Variants in NMNAT2 observed in about 807,000 individuals in gnomAD.
NMNAT2 encodes the protein nicotinamide nucleotide adenylyltransferase 2.
A neutral mutation model predicts 41.6 loss-of-function variants in NMNAT2; 11 were observed. The ratio of observed to expected loss-of-function variants is 0.26; its 90% CI spans 0.17 to 0.44. The LOEUF (loss-of-function observed/expected upper bound fraction) is 0.44, where lower values mean the gene tolerates loss of function less well. Among genes scored for constraint, NMNAT2 ranks in the 20% least tolerant of loss-of-function variants. NMNAT2 has a pLI of 1.00. For missense variants in NMNAT2, 288 were observed against 407.7 expected (o/e 0.71, Z 2.53); for synonymous variants, 148 against 151.2 (o/e 0.98, Z 0.16).
intron 1 of NMNAT2, among the ~76,000 whole-genome samples, chr1:183,414,186 C>G (rs1649194641): frequency 6.6e-6 from 1 of 152,160 alleles, no homozygotes; most frequent in Non-Finnish European, 1.5e-5. Flanking sequence ...CTAGCAGAAA[C>G]AGGAGTTTGA....
chr1:183,269,994 C>T (rs893112355), intron 8 of NMNAT2, among the ~76,000 whole-genome samples: 4 of 152,198 alleles, frequency 2.6e-5, no homozygotes, highest in African/African-American at 9.7e-5. Flanking sequence ...CGCCATTCTC[C>T]TGCCTCAGCC....
chr1:183,250,253 G>A lies in NMNAT2; in HGVS notation c.*2388C>T, dbSNP rs1281595555. Reference sequence around the variant, plus strand: ...GCAATAGCATCATCCTGAGCACTCTGTGGGTCTTCCTTCACCTTCCACAAA... The same window carrying A: ...GCAATAGCATCATCCTGAGCACTCTATGGGTCTTCCTTCACCTTCCACAAA... On this transcript the variant is annotated 3_prime_UTR_variant, in exon 11 of 11. Transcript: ENST00000287713. 6.6e-6 allele frequency: 1 copy of A among 152,226 alleles called. No individual in the cohort carries two copies. The highest frequency in any genetic ancestry group is 1.5e-5 in the Non-Finnish European group (1 of 68,084). The allele number at this position is 152,226 out of a possible 1,614,324, so 9.4% of individuals were successfully genotyped here.
In NMNAT2 at chr1:183,410,656, C is replaced by T. The variant is rs571140166; in HGVS notation, c.85+7527G>A. Among the ~76,000 whole-genome samples, 3 of 152,298 alleles carry T rather than the reference C, an allele frequency of 2.0e-5. No individual in the cohort carries two copies. The South Asian group carries it at 6.2e-4, about 32-fold the overall frequency. On this transcript the variant is annotated intron_variant, in intron 1 of 10. Transcript: ENST00000287713. ...GTGCTCACCTGCACTCTAGCAAGTT[C>T]CCTAGAAATTCCTTAATGCGCCATG...
At chr1:183,392,404 A>T in intron 1 of NMNAT2, among the ~76,000 whole-genome samples, 1 of 152,230 alleles carries the variant, frequency 6.6e-6, no homozygotes, top group East Asian at 1.9e-4. Context: ...CCTCTCCTAT[A>T]GATTACACGC....
intron 7 of NMNAT2, among the ~76,000 whole-genome samples, chr1:183,280,736 T>C (rs1468604354): frequency 6.6e-6 from 1 of 150,936 alleles, no homozygotes; most frequent in Non-Finnish European, 1.5e-5. Flanking sequence ...CGACTTTTTT[T>C]CTTTTTTTTT....
At chr1:183,315,989 G>T (rs542017553) in intron 1 of NMNAT2, among the ~76,000 whole-genome samples, 3 of 152,240 alleles carry the variant, frequency 2.0e-5, no homozygotes, top group South Asian at 2.1e-4. Flanking sequence ...TTTAATTTTT[G>T]ATTCTTAGAG....
chr1:183,401,929 G>T (rs1648822606), intron 1 of NMNAT2, among the ~76,000 whole-genome samples: 1 of 146,270 alleles, frequency 6.8e-6, no homozygotes, highest in African/African-American at 2.5e-5. Flanking sequence ...ATGGGGTTGG[G>T]GGAGGGGGGA....
intron 1 of NMNAT2, among the ~76,000 whole-genome samples, chr1:183,308,064 G>T (rs1662036508): frequency 6.6e-6 from 1 of 152,182 alleles, no homozygotes; most frequent in Admixed American, 6.5e-5. Context: ...ATTGAGCTCT[G>T]CTGGCATTGG....
At chr1:183,412,667 G>C (rs979129183) in intron 1 of NMNAT2, among the ~76,000 whole-genome samples, 3 of 152,130 alleles carry the variant, frequency 2.0e-5, no homozygotes, top group African/African-American at 7.2e-5. Flanking sequence ...AGAGGTTGTT[G>C]GTCTTAGTTA....
chr1:183,333,197 C>T (rs971683420), intron 1 of NMNAT2, among the ~76,000 whole-genome samples: 3 of 152,166 alleles, frequency 2.0e-5, no homozygotes, highest in African/African-American at 7.2e-5. Context: ...AGTGTGGTCA[C>T]TCCAGCACTC....
intron 1 of NMNAT2, among the ~76,000 whole-genome samples, chr1:183,397,579 C>T (rs1053145696): frequency 1.3e-5 from 2 of 151,948 alleles, no homozygotes; most frequent in East Asian, 1.9e-4. Context: ...AAAGACTCCT[C>T]GAGAAAACAA....
intron 1 of NMNAT2, among the ~76,000 whole-genome samples, chr1:183,298,687 TAGC>T (rs1661768135): frequency 6.6e-6 from 1 of 152,196 alleles, no homozygotes; most frequent in Non-Finnish European, 1.5e-5. Context: ...CCACAACAAG[TAGC>T]AGAAGATGCT....
rs1478222931 is a variant in NMNAT2, at chr1:183,314,294, G to A, written c.86-20501C>T. ...ATGCCTTCACTCATGTGTTCCTTCTGTCTCAAATGCTCTTCCCTACCTTGG... is the reference window on the plus strand; with the variant it reads ...ATGCCTTCACTCATGTGTTCCTTCTATCTCAAATGCTCTTCCCTACCTTGG... On this transcript the variant is annotated intron_variant, in intron 1 of 10. Transcript: ENST00000287713. 3.3e-5 allele frequency among the ~76,000 whole-genome samples: 5 copies of A among 152,200 alleles called. No homozygotes were observed. In the East Asian group the frequency reaches 9.6e-4, roughly 29 times the overall value.
At chr1:183,283,529 CACAG>C (rs66905726) in intron 7 of NMNAT2, 73,443 of 219,538 alleles carry the variant, frequency 0.33, 13,538 homozygotes, top group Middle Eastern at 0.43. Context: ...GCAGCCCTCA[CACAG>C]ACAGTGAAGT....
rs1003616731 is a variant in NMNAT2, at chr1:183,251,539, A to T, written c.*1102T>A. 6.6e-6 allele frequency: 1 copy of T among 152,530 alleles called. No homozygotes were observed. Among genetic ancestry groups the T allele is most frequent in the African/African-American group, 2.4e-5 (1 of 41,508 alleles). 9.4% of individuals were successfully genotyped at this position (152,530 alleles called of 1,614,324 possible). A position where few individuals can be genotyped will look rare whatever the true frequency, so the allele number is the denominator to read the frequency against. ...TGTTTTTTTATGACACGACTGCACG[A>T]TGTGGATCTGGTCCTGCCTATGTGG... On this transcript the variant is annotated 3_prime_UTR_variant, in exon 11 of 11. Coordinates refer to ENST00000287713, the MANE Select transcript of NMNAT2 (RefSeq NM_015039.4).
intron 1 of NMNAT2, among the ~76,000 whole-genome samples, chr1:183,300,926 G>C (rs1041058976): frequency 6.6e-6 from 1 of 152,116 alleles, no homozygotes; most frequent in Non-Finnish European, 1.5e-5. Context: ...GAATCCTCTG[G>C]GGGTCTTTTT....
intron 1 of NMNAT2, among the ~76,000 whole-genome samples, chr1:183,374,070 T>C (rs1368793645): frequency 6.6e-6 from 1 of 152,232 alleles, no homozygotes; most frequent in African/African-American, 2.4e-5. Context: ...GGTGTTGTTG[T>C]CCTCAAATTT....
At chr1:183,288,538 A>G (rs1661452371) in intron 4 of NMNAT2, among the ~76,000 whole-genome samples, 1 of 152,226 alleles carries the variant, frequency 6.6e-6, no homozygotes, top group Admixed American at 6.5e-5. Flanking sequence ...TAAGTAACAC[A>G]GGGAGAGTTC....
chr1:183,304,493 G>A (rs747535831), intron 1 of NMNAT2, among the ~76,000 whole-genome samples: 9 of 152,132 alleles, frequency 5.9e-5, no homozygotes, highest in African/African-American at 1.2e-4. Flanking sequence ...CAGAAGGTGC[G>A]GGCTGGGCTT....
Sources: gnomAD v4.1 joint callset for allele counts (sites outside exome capture counted in the v4.1 genomes callset) on GRCh38, gnomAD v4.1.1 for gene constraint, MANE v1.5 for transcripts, NCBI Gene and HGNC (gene_info 2026-07-23, HGNC 2026-07-21) for gene names.